The following CFAP47 variants were observed in gnomAD, a reference collection of about 807,000 sequenced individuals.
The protein encoded by CFAP47 is cilia and flagella associated protein 47, also known as cilia- and flagella-associated protein 47.
CFAP47 carries 29 observed loss-of-function variants against 148.1 expected under a neutral mutation model. The ratio of observed to expected loss-of-function variants is 0.20; its 90% CI spans 0.15 to 0.27. The LOEUF (loss-of-function observed/expected upper bound fraction) is 0.27. Among genes scored for constraint, CFAP47 ranks in the 10% least tolerant of loss-of-function variants. The probability of loss-of-function intolerance (pLI) is 1.00; values close to 1 mark genes in which losing one functional copy is unlikely to be tolerated. For missense variants in CFAP47, 1,872 were observed against 1,697.5 expected (o/e 1.10, Z -1.81); for synonymous variants, 664 against 577.3 (o/e 1.15, Z -2.15).
chrX:36,009,266 A>T lies in CFAP47; in HGVS notation c.3418-5508A>T, dbSNP rs780895238. Among the ~76,000 whole-genome samples, 3 of 110,949 alleles carry T rather than the reference A, an allele frequency of 2.7e-5. No homozygotes were observed. In the East Asian group the frequency reaches 8.4e-4, roughly 31 times the overall value. ...TATATAAAAAAGCCTTAAAAATAAA[A>T]TAATAGCCTAAAATAATAGTAATAT... is the stretch of plus-strand genomic sequence containing the variant. On this transcript the variant is annotated intron_variant, in intron 21 of 63. Coordinates refer to ENST00000378653, the MANE Select transcript of CFAP47 (RefSeq NM_001304548.2).
rs1275526518 is a variant in CFAP47 at position 35,951,214 on chromosome X, G to A, written c.740G>A (p.Ser247Asn). 5 of 1,208,369 alleles carry A rather than the reference G, an allele frequency of 4.1e-6. No homozygotes were observed. In the African/African-American group the frequency reaches 7.0e-5, roughly 17 times the overall value. ...CAGATTATTGAATTATTAAGCATGA[G>A]TAGTGACAGAAGGCTGGAATGCATA... Reference protein sequence around the residue: ...VEQIIELLSMSSDRRLECIHF... With the variant: ...VEQIIELLSMNSDRRLECIHF... The change falls in exon 5 of 64, where the codon AGT (serine) becomes AAT (asparagine). Residue 247 changes from serine to asparagine, a missense_variant. Physicochemically the swap from Ser to Asn is conservative, Grantham distance 46. Coordinates refer to ENST00000378653, the MANE Select transcript of CFAP47 (RefSeq NM_001304548.2).
chrX:36,042,727 TA>T (rs1937421534), intron 25 of CFAP47, among the ~76,000 whole-genome samples: 1 of 111,754 alleles, frequency 8.9e-6, no homozygotes, highest in African/African-American at 3.2e-5. Flanking sequence ...TTCGATGCTG[TA>T]AAAAAAGTTT....
chrX:36,176,219 G>T (rs1450624306), intron 39 of CFAP47, among the ~76,000 whole-genome samples: 1 of 111,219 alleles, frequency 9.0e-6, no homozygotes, highest in Non-Finnish European at 1.9e-5. Flanking sequence ...CTAGTGAGAT[G>T]AACCCCGTAC....
chrX:36,351,896 T>C (rs781843328), intron 59 of CFAP47, among the ~76,000 whole-genome samples: 1 of 112,116 alleles, frequency 8.9e-6, no homozygotes, highest in South Asian at 3.7e-4. Context: ...CATTTTTTGT[T>C]CTTAGTAACA....
At chrX:35,971,504 A>G in intron 11 of CFAP47, 82 bp from the exon 12 acceptor site, 1 of 623,492 alleles carries the variant, frequency 1.6e-6, no homozygotes, top group Non-Finnish European at 2.4e-6. Flanking sequence ...AATATGCACT[A>G]TGGGAAAGGC....
At chrX:36,036,298 C>T (rs1043986702) in intron 24 of CFAP47, among the ~76,000 whole-genome samples, 1 of 111,126 alleles carries the variant, frequency 9.0e-6, no homozygotes, top group Non-Finnish European at 1.9e-5. Flanking sequence ...TGAGATTATA[C>T]AGTAATTGTC....
intron 30 of CFAP47, among the ~76,000 whole-genome samples, chrX:36,093,559 T>C (rs1260037464): frequency 1.8e-5 from 2 of 111,259 alleles, no homozygotes; most frequent in Non-Finnish European, 3.8e-5. Context: ...ATGTTTTCTT[T>C]TGATAAATGC....
At position 36,299,038 on chromosome X, in the gene CFAP47, T is replaced by G. The variant is rs1556007333; in HGVS notation, c.7748T>G (p.Val2583Gly). 8.7e-7 allele frequency: 1 copy of G among 1,149,957 alleles called. No homozygotes were observed. The highest frequency in any genetic ancestry group is 1.2e-6 in the Non-Finnish European group (1 of 858,168). The allele number at this position is 1,149,957 out of a possible 1,213,427, so 94.8% of individuals were successfully genotyped here. A position where few individuals can be genotyped will look rare whatever the true frequency, so the allele number is the denominator to read the frequency against. ...NPKDRGLHLEVQLTSAALNGD... is the reference protein window; with the variant it reads ...NPKDRGLHLEGQLTSAALNGD... ...AAAGATAGAGGTCTTCACTTAGAGGTGCAGTTAACGAGTGCTGCCCTTAAT... is the reference window on the plus strand; with the variant it reads ...AAAGATAGAGGTCTTCACTTAGAGGGGCAGTTAACGAGTGCTGCCCTTAAT... Residue 2583 changes from valine (V) to glycine (G), a missense_variant, in exon 52 of 64, where the codon GTG becomes GGG. Coordinates refer to ENST00000378653, the MANE Select transcript of CFAP47 (RefSeq NM_001304548.2).
chrX:36,303,787 G>A, intron 53 of CFAP47, 62 bp from the exon 54 acceptor site: 1 of 564,912 alleles, frequency 1.8e-6, no homozygotes, highest in Non-Finnish European at 2.7e-6. Context: ...TCAAGTTTAT[G>A]GAATTAACAC....
chrX:35,998,978 T>C (rs145291684), intron 19 of CFAP47, among the ~76,000 whole-genome samples: 62 of 111,514 alleles, frequency 5.6e-4, no homozygotes, highest in African/African-American at 2.0e-3. Flanking sequence ...ATAGCTGACT[T>C]TAAAAAATAA....
chrX:36,339,537 G>A (rs1464566045), intron 57 of CFAP47, among the ~76,000 whole-genome samples: 1 of 111,437 alleles, frequency 9.0e-6, no homozygotes, highest in Non-Finnish European at 1.9e-5. Flanking sequence ...GGAGTAATAC[G>A]GATGGAAGAA....
rs1938060952 is a variant in CFAP47 at position 36,085,310 on chromosome X, A to G, written c.4692-4A>G. The G allele has an allele frequency of 1.8e-6, 2 of 1,136,254 alleles. No homozygotes were observed. The highest frequency in any genetic ancestry group is 2.4e-6 in the Non-Finnish European group (2 of 831,146). 93.6% of individuals were successfully genotyped at this position (1,136,254 alleles called of 1,213,427 possible). A position where few individuals can be genotyped will look rare whatever the true frequency, so the allele number is the denominator to read the frequency against. On this transcript the variant is annotated splice_polypyrimidine_tract_variant and splice_region_variant and intron_variant, in intron 29 of 63. Coordinates refer to ENST00000378653, the MANE Select transcript of CFAP47 (RefSeq NM_001304548.2). ...GTTTTTAATTTTAAGTCTTTTTCTC[A>G]TAGGGATGTATATAAAATGCAATTC...
intron 3 of CFAP47, 24 bp downstream of exon 3, chrX:35,941,422 C>T (rs766216488): frequency 7.3e-6 from 6 of 821,216 alleles, no homozygotes; most frequent in South Asian, 5.5e-5. Context: ...GTCATATTTA[C>T]TTACACTTTT....
Position 36,201,422 on chromosome X carries a change from G to A in CFAP47, c.6585G>A (p.Glu2195=). 1 of 296,919 alleles carries A rather than the reference G, an allele frequency of 3.4e-6. No individual in the cohort carries two copies. Among genetic ancestry groups the A allele is most frequent in the African/African-American group, 2.7e-5 (1 of 36,806 alleles). 24.5% of individuals were successfully genotyped at this position (296,919 alleles called of 1,213,427 possible). ...AACAGATGTCGAGTATTGAGTATGAGCGAAGGTTGATCACAGGCACTCTAG... is the reference window on the plus strand; with the variant it reads ...AACAGATGTCGAGTATTGAGTATGAACGAAGGTTGATCACAGGCACTCTAG... ...AQQQMSSIEY[E]RRLITGTLES... Residue 2195 remains glutamate, a synonymous_variant, in exon 44 of 64, where the codon GAG becomes GAA. Coordinates refer to ENST00000378653, the MANE Select transcript of CFAP47 (RefSeq NM_001304548.2).
chrX:35,961,035 T>G (rs758632954), intron 8 of CFAP47, among the ~76,000 whole-genome samples: 78 of 111,756 alleles, frequency 7.0e-4, no homozygotes, highest in Middle Eastern at 4.6e-3. Flanking sequence ...TTCCCTTCTA[T>G]TCCTAGTTTG....
intron 33 of CFAP47, among the ~76,000 whole-genome samples, chrX:36,130,087 A>G (rs1451887797): frequency 9.0e-6 from 1 of 111,434 alleles, no homozygotes; most frequent in Admixed American, 9.6e-5. Flanking sequence ...AGTCAAATGT[A>G]AAAGCTTCTG....
chrX:36,116,915 T>C (rs750778746), intron 33 of CFAP47, among the ~76,000 whole-genome samples: 2 of 111,619 alleles, frequency 1.8e-5, no homozygotes, highest in Non-Finnish European at 3.8e-5. Context: ...CTACTCTCCC[T>C]AGCCTCTGGT....
At chrX:36,148,677 ACTC>A (rs975688041) in intron 36 of CFAP47, among the ~76,000 whole-genome samples, 1 of 111,245 alleles carries the variant, frequency 9.0e-6, no homozygotes, top group African/African-American at 3.3e-5. Flanking sequence ...TTAAATCTAT[ACTC>A]CTTATAATAC....
At chrX:36,375,207 G>A in intron 62 of CFAP47, 1 of 261,270 alleles carries the variant, frequency 3.8e-6, no homozygotes, top group Non-Finnish European at 7.1e-6. Flanking sequence ...AAAGATGGCG[G>A]AAAGAGAATG....
Sources: allele counts gnomAD v4.1 joint callset (sites outside exome capture counted in the v4.1 genomes callset), GRCh38; gene constraint gnomAD v4.1.1; transcripts MANE v1.5; gene names NCBI Gene and HGNC (gene_info 2026-07-23, HGNC 2026-07-21).